The following DNAH10 variants were observed in gnomAD, a reference collection of about 807,000 sequenced individuals.
DNAH10 encodes dynein axonemal heavy chain 10.
DNAH10 carries 348 observed loss-of-function variants against 506.6 expected under a neutral mutation model. That is an observed-to-expected ratio of 0.69 (90% CI 0.63 to 0.75). DNAH10 has a LOEUF of 0.75. DNAH10 is among the 30% of genes least tolerant of loss of function. DNAH10 has a pLI of 0.00. For synonymous variants in DNAH10, 2,059 were observed against 2,198.6 expected, an observed-to-expected ratio of 0.94 and a Z score of 1.78; for missense variants, 5,179 against 5,787.1, an observed-to-expected ratio of 0.89 and a Z score of 3.41.
At chr12:123,796,979 T>C (rs569239090) in intron 13 of DNAH10, 147 bp downstream of exon 13, 12 of 670,666 alleles carry the variant, frequency 1.8e-5, no homozygotes, top group Non-Finnish European at 2.8e-5. Flanking sequence ...CAAGCGATTC[T>C]CTTGCCTCAG....
rs375189808 is a variant in DNAH10, at chr12:123,835,482, C to T, written c.4856C>T (p.Pro1619Leu). 75 of 1,608,026 alleles carry T rather than the reference C, an allele frequency of 4.7e-5. 1 individual carries two copies. The South Asian group carries it at 5.9e-4, about 13-fold the overall frequency. The part of the protein sequence containing the change: ...FIGGDIRSQL[P>L]EEAKKFDNID... ...GGTGGAGATATAAGATCACAACTTC[C>T]GGAAGAGGCAAAAAAGTTTGACAAC... The change falls in exon 28 of 79, where the codon CCG (proline) becomes CTG (leucine). Residue 1619 changes from proline to leucine, a missense_variant. Transcript: ENST00000673944.
Position 123,796,685 on chromosome 12 carries a change from G to A in DNAH10, c.2016G>A (p.Gln672=). ...ACATCATTAATAAAATCTTTGTCCA[G>A]AACCTTGAAAATCCACCACTGTATA... ...EIDIINKIFV[Q]NLENPPLYKN... is the part of the protein sequence containing the mutation. The change falls in exon 13 of 79, where the codon CAG becomes CAA. Residue 672 remains glutamine, a synonymous_variant. Transcript: ENST00000673944. 6.2e-7 allele frequency: 1 copy of A among 1,611,720 alleles called. No homozygotes were observed. Among genetic ancestry groups the A allele is most frequent in the Non-Finnish European group, 8.5e-7 (1 of 1,179,254 alleles).
chr12:123,926,399 C>T lies in DNAH10; in HGVS notation c.11922-238C>T. 1 of 495,612 alleles carries T rather than the reference C, an allele frequency of 2.0e-6. No individual in the cohort carries two copies. Among genetic ancestry groups the T allele is most frequent in the South Asian group, 3.8e-5 (1 of 26,054 alleles). 30.7% of individuals were successfully genotyped at this position (495,612 alleles called of 1,614,324 possible). A position where few individuals can be genotyped will look rare whatever the true frequency, so the allele number is the denominator to read the frequency against. On this transcript the variant is annotated intron_variant, in intron 68 of 78. Coordinates refer to ENST00000673944, the MANE Select transcript of DNAH10 (RefSeq NM_001372106.1). This position sits in a 1 kb window ranked among gnomAD's most constrained non-coding sequence, Gnocchi z 4.1. ...GCTGAGGTGCCCAGCTCAGCACAAA[C>T]CAACTGAATCGAGTGTGAGGGGGTA...
Position 123,928,908 on chromosome 12 carries a change from T to G in DNAH10, c.12306+321T>G, listed in dbSNP as rs1294645912. On this transcript the variant is annotated intron_variant, in intron 70 of 78. Coordinates refer to ENST00000673944, the MANE Select transcript of DNAH10 (RefSeq NM_001372106.1). The surrounding 1 kb of genome is among the most constrained non-coding windows in gnomAD (Gnocchi z 4.9). ...TTCGCTAGTGCTGACTGCAGGAGTT[T>G]CGCGTGGTTTACATGCCCCATTTAA... The G allele has an allele frequency of 2.2e-6, 1 of 464,912 alleles. No homozygotes were observed. 28.8% of individuals were successfully genotyped at this position (464,912 alleles called of 1,614,324 possible).
intron 51 of DNAH10, 84 bp from the exon 52 acceptor site, chr12:123,887,058 C>G (rs1566049173): frequency 6.8e-7 from 1 of 1,480,122 alleles, no homozygotes; most frequent in East Asian, 2.5e-5. Context: ...CCTCTGCACT[C>G]TCCTCCAGCG....
At chr12:123,865,813 G>A in intron 40 of DNAH10, 138 bp from the exon 41 acceptor site, 1 of 797,164 alleles carries the variant, frequency 1.3e-6, no homozygotes, top group Non-Finnish European at 1.8e-6. Flanking sequence ...CAGTTAAAAA[G>A]CTCATGGAAG....
intron 13 of DNAH10, among the ~76,000 whole-genome samples, chr12:123,798,610 T>C (rs1323528481): frequency 6.6e-6 from 1 of 152,056 alleles, no homozygotes. Flanking sequence ...TATATCACCA[T>C]CGCAGACCAA....
chr12:123,901,185 C>T (rs961198608), intron 56 of DNAH10, among the ~76,000 whole-genome samples: 26 of 152,236 alleles, frequency 1.7e-4, no homozygotes, highest in African/African-American at 6.3e-4. Flanking sequence ...GGCTGCTCCC[C>T]ACACTGAGGT....
rs556513187 is a variant in DNAH10, at chr12:123,918,939, C to T, written c.11496C>T (p.His3832=). 1.6e-5 allele frequency: 25 copies of T among 1,610,692 alleles called. 1 individual carries two copies. The East Asian group carries it at 2.2e-4, about 14-fold the overall frequency. The stretch of plus-strand genomic sequence containing the variant: ...CGCTGACCTTCAGCATCTATAACCA[C>T]GGCTGCACAGGTGAGCTCTCCCCAC... The part of the protein sequence containing the change: ...MDTLTFSIYN[H]GCTGLFERHK... The change falls in exon 65 of 79, where the codon CAC becomes CAT. Residue 3832 remains histidine (H), a synonymous_variant. Transcript: ENST00000673944.
Position 123,913,292 on chromosome 12 carries a change from G to T in DNAH10, c.10329G>T (p.Ser3443=), listed in dbSNP as rs770597039. 6.2e-7 allele frequency: 1 copy of T among 1,601,258 alleles called. No homozygotes were observed. The highest frequency in any genetic ancestry group is 8.5e-7 in the Non-Finnish European group (1 of 1,174,570). ...RRLIAADKLI[S]GLGSENIRWL... ...TGATTGCCGCAGACAAACTCATCTCGGGTCTGGGGTCAGAAAACATCAGGT... is the reference window on the plus strand; with the variant it reads ...TGATTGCCGCAGACAAACTCATCTCTGGTCTGGGGTCAGAAAACATCAGGT... Residue 3443 remains serine, a synonymous_variant, in exon 60 of 79, where the codon TCG becomes TCT. Transcript: ENST00000673944. The surrounding 1 kb of genome is among the most constrained non-coding windows in gnomAD (Gnocchi z 5.1).
chr12:123,875,269 G>A lies in DNAH10; in HGVS notation c.7977G>A (p.Leu2659=). The A allele has an allele frequency of 6.2e-7, 1 of 1,612,420 alleles. No individual in the cohort carries two copies. Among genetic ancestry groups the A allele is most frequent in the Non-Finnish European group, 8.5e-7 (1 of 1,179,102 alleles). The change falls in exon 47 of 79, where the codon CTG becomes CTA. Residue 2659 remains leucine (L), a synonymous_variant. Coordinates refer to ENST00000673944, the MANE Select transcript of DNAH10 (RefSeq NM_001372106.1). ...GCACGCAGCAGCCCATTGCCTTGCT[G>A]AAGCTGCTGTTGGAAAAAGGCTACT... ...EYGTQQPIAL[L]KLLLEKGYLY...
At chr12:123,900,463 G>A (rs1004202033) in intron 56 of DNAH10, among the ~76,000 whole-genome samples, 15 of 152,092 alleles carry the variant, frequency 9.9e-5, no homozygotes, top group Admixed American at 7.9e-4. Flanking sequence ...CCCCTCCCCC[G>A]GTGCCCAGGC....
chr12:123,929,532 C>T, intron 71 of DNAH10, 48 bp downstream of exon 71: 1 of 1,590,616 alleles, frequency 6.3e-7, no homozygotes, highest in Non-Finnish European at 8.6e-7. Flanking sequence ...AGGCGGCCCA[C>T]TTCCTCCCGA....
intron 12 of DNAH10, among the ~76,000 whole-genome samples, 161 bp from the exon 13 acceptor site, chr12:123,796,495 G>A: frequency 6.6e-6 from 1 of 152,102 alleles, no homozygotes. Flanking sequence ...CAGAGCATAA[G>A]AAAAAGTAGT....
At chr12:123,798,437 C>T (rs1482440457) in intron 13 of DNAH10, among the ~76,000 whole-genome samples, 2 of 152,182 alleles carry the variant, frequency 1.3e-5, no homozygotes, top group African/African-American at 2.4e-5. Flanking sequence ...TTGAGCAGAT[C>T]TCCCAAGAAC....
At chr12:123,884,985 C>T (rs1489659771) in intron 51 of DNAH10, among the ~76,000 whole-genome samples, 1 of 152,112 alleles carries the variant, frequency 6.6e-6, no homozygotes, top group Non-Finnish European at 1.5e-5. Flanking sequence ...GTACACTTTT[C>T]AACTTACAAT....
chr12:123,871,483 A>G lies in DNAH10; in HGVS notation c.7666A>G (p.Thr2556Ala). 6.3e-7 allele frequency: 1 copy of G among 1,581,816 alleles called. No homozygotes were observed. Among genetic ancestry groups the G allele is most frequent in the Non-Finnish European group, 8.6e-7 (1 of 1,162,386 alleles). Residue 2556 changes from threonine (T) to alanine (A), a missense_variant, in exon 45 of 79, where the codon ACC (threonine) becomes GCC (alanine). Around this residue, in one of 3 missense-constraint regions of DNAH10, gnomAD observed 4,844 missense variants for 5,430.5 expected, o/e 0.89. Coordinates refer to ENST00000673944, the MANE Select transcript of DNAH10 (RefSeq NM_001372106.1). Reference protein sequence around the residue: ...LVHTVDTTRTTWILEQMVKIK... With the variant: ...LVHTVDTTRTAWILEQMVKIK... ...TCACACAGTGGATACCACTCGGACT[A>G]CCTGGATATTGGAACAAATGGTTAA...
At chr12:123,803,509 TG>T in intron 16 of DNAH10, 151 bp from the exon 17 acceptor site, 1 of 693,246 alleles carries the variant, frequency 1.4e-6, no homozygotes, top group Non-Finnish European at 2.3e-6. Flanking sequence ...GGGTTCAAAG[TG>T]GATCTTTGCC....
intron 7 of DNAH10, 79 bp downstream of exon 7, chr12:123,783,343 C>A: frequency 6.6e-7 from 1 of 1,519,820 alleles, no homozygotes; most frequent in Admixed American, 1.9e-5. Context: ...AGTCTGGGGT[C>A]TGCATCATCT....
Sources: allele counts gnomAD v4.1 joint callset (sites outside exome capture counted in the v4.1 genomes callset), GRCh38; gene constraint gnomAD v4.1.1; regional missense constraint gnomAD v4.1.1; non-coding constraint Gnocchi (gnomAD v3.1); transcripts MANE v1.5; gene names NCBI Gene and HGNC (gene_info 2026-07-23, HGNC 2026-07-21).